LPP: variants seen among roughly 807,000 people sequenced by gnomAD.
LPP encodes the protein LIM domain containing preferred translocation partner in lipoma, also known as lipoma-preferred partner.
LPP carries 38 observed loss-of-function variants against 60.4 expected under a neutral mutation model. The ratio of observed to expected loss-of-function variants is 0.63; its 90% confidence interval spans 0.49 to 0.83. LPP has a LOEUF of 0.83. Among genes scored for constraint, LPP ranks in the 40% least tolerant of loss-of-function variants. The probability of loss-of-function intolerance (pLI) is 0.00; values close to 1 mark genes in which losing one functional copy is unlikely to be tolerated. For missense variants in LPP, 902 were observed against 783.6 expected (o/e 1.15, Z -1.80); for synonymous variants, 328 against 290.8 (o/e 1.13, Z -1.30).
chr3:188,447,889 A>G (rs755452314), intron 4 of LPP, among the ~76,000 whole-genome samples: 5 of 152,120 alleles, frequency 3.3e-5, no homozygotes, highest in East Asian at 1.9e-4. Flanking sequence ...TTTGTTTACT[A>G]CCATTTACTC....
rs568782790 is a variant in LPP, at chr3:188,666,686, T to C, written c.1114-41581T>C. Among the ~76,000 whole-genome samples the C allele has an allele frequency of 5.3e-4, 81 of 152,364 alleles. 1 individual carries two copies. Among genetic ancestry groups the C allele is most frequent in the Admixed American group, 4.2e-3 (64 of 15,302 alleles). ...TCAACAGTCACTCATCAAATACTTG[T>C]TGAATGCTTACTCGGTGCCAATCAC... is the stretch of plus-strand genomic sequence containing the variant. On this transcript the variant is annotated intron_variant, in intron 7 of 11. Transcript: ENST00000617246.
intron 7 of LPP, among the ~76,000 whole-genome samples, chr3:188,683,818 G>A (rs930259224): frequency 3.3e-5 from 5 of 152,178 alleles, no homozygotes; most frequent in Non-Finnish European, 7.3e-5. Flanking sequence ...CATTGTAAGT[G>A]TACAGTGGGA....
chr3:188,825,269 C>CTCTCTGTGTG lies in LPP; in HGVS notation c.1411-40930_1411-40929insCTCTGTGTGT, dbSNP rs1463318065. On this transcript the variant is annotated intron_variant, in intron 9 of 11. Transcript: ENST00000617246. ...TCTTTCTCTCTCTCTCTCTCTCTCT[C>CTCTCTGTGTG]TGTGTGTGTGTGTGTGTGTGTGTGT... Among the ~76,000 whole-genome samples, 130 of 101,750 alleles carry CTCTCTGTGTG rather than the reference C, an allele frequency of 1.3e-3. 1 individual carries two copies. The highest frequency in any genetic ancestry group is 5.3e-3 in the South Asian group (12 of 2,278). 66.8% of individuals were successfully genotyped at this position (101,750 alleles called of 152,430 possible).
intron 9 of LPP, 143 bp downstream of exon 9, chr3:188,760,425 T>TGTG (rs1282542511): frequency 1.4e-6 from 1 of 728,788 alleles, no homozygotes; most frequent in Non-Finnish European, 2.2e-6. Flanking sequence ...TGTGTGTGTG[T>TGTG]GTGTGTGTGT....
chr3:188,629,808 A>G (rs1847527095), intron 7 of LPP, among the ~76,000 whole-genome samples: 1 of 152,166 alleles, frequency 6.6e-6, no homozygotes, highest in South Asian at 2.1e-4. Context: ...AGCCAGAGTC[A>G]TCACAGTACC....
rs1016452486 is a variant in LPP, at chr3:188,878,237, G to A, written c.*3758G>A. ...GGGCTTCTCTTGTCAAATCTGTGTC[G>A]GCTGCCCCCTGATCCTTCCATTATC... On this transcript the variant is annotated 3_prime_UTR_variant, in exon 12 of 12. Transcript: ENST00000617246. 17 of 217,974 alleles carry A rather than the reference G, an allele frequency of 7.8e-5. No individual in the cohort carries two copies. Among genetic ancestry groups the A allele is most frequent in the African/African-American group, 3.8e-4 (17 of 44,328 alleles). 13.5% of individuals were successfully genotyped at this position (217,974 alleles called of 1,614,324 possible).
chr3:188,675,427 A>G lies in LPP; in HGVS notation c.1114-32840A>G, dbSNP rs528140838. Among the ~76,000 whole-genome samples, 195 of 152,340 alleles carry G rather than the reference A, an allele frequency of 1.3e-3. 1 individual carries two copies. Among genetic ancestry groups the G allele is most frequent in the African/African-American group, 4.2e-3 (174 of 41,580 alleles). ...TACACACAAAGCAAAGAAGTAAATA[A>G]AGAATGGTGGGGCTAAGACTGTGAA... On this transcript the variant is annotated intron_variant, in intron 7 of 11. Coordinates refer to ENST00000617246, the MANE Select transcript of LPP (RefSeq NM_001375462.1).
chr3:188,841,248 G>C (rs563513449), intron 9 of LPP, among the ~76,000 whole-genome samples: 4 of 152,174 alleles, frequency 2.6e-5, no homozygotes, highest in Non-Finnish European at 4.4e-5. Context: ...ATGTCTGAAG[G>C]TGGGCTGGGT....
At chr3:188,449,400 G>T (rs542489314) in intron 4 of LPP, among the ~76,000 whole-genome samples, 1 of 152,188 alleles carries the variant, frequency 6.6e-6, no homozygotes, top group African/African-American at 2.4e-5. Context: ...TGAATTTTTA[G>T]AAATATATAC....
chr3:188,613,244 A>ATATATCTATATCTATACC (rs1414392250), intron 7 of LPP, among the ~76,000 whole-genome samples: 3 of 89,138 alleles, frequency 3.4e-5, no homozygotes, highest in Admixed American at 2.6e-4. Context: ...TGTGCATTTT[A>ATATATCTATATCTATACC]TATATCTATA....
chr3:188,654,940 G>A (rs1852844637), intron 7 of LPP, among the ~76,000 whole-genome samples: 1 of 152,156 alleles, frequency 6.6e-6, no homozygotes, highest in South Asian at 2.1e-4. Flanking sequence ...GGAGTTTGAT[G>A]GAGTTTGACC....
In LPP at chr3:188,878,759, T is replaced by TAAAAAAAAAAAAAAAAAAAAAAAAAA. The variant is rs11448997; in HGVS notation, c.*4296_*4297insAAAAAAAAAAAAAAAAAAAAAAAAAA. 6.5e-6 allele frequency: 1 copy of TAAAAAAAAAAAAAAAAAAAAAAAAAA among 153,952 alleles called. No homozygotes were observed. The highest frequency in any genetic ancestry group is 1.3e-5 in the Non-Finnish European group (1 of 76,416). 9.5% of individuals were successfully genotyped at this position (153,952 alleles called of 1,614,324 possible). A position where few individuals can be genotyped will look rare whatever the true frequency, so the allele number is the denominator to read the frequency against. ...ATATACTCACCAAAAAGTAAAAAAG[T>TAAAAAAAAAAAAAAAAAAAAAAAAAA]AAAAAAAAAAAAAAAAGAAAGAAAG... On this transcript the variant is annotated 3_prime_UTR_variant, in exon 12 of 12. Coordinates refer to ENST00000617246, the MANE Select transcript of LPP (RefSeq NM_001375462.1).
chr3:188,474,423 A>G (rs537758756), intron 4 of LPP, among the ~76,000 whole-genome samples: 1 of 48,082 alleles, frequency 2.1e-5, no homozygotes, highest in Admixed American at 2.2e-4. Context: ...CATTGACATG[A>G]GAATGGTTCC....
intron 8 of LPP, among the ~76,000 whole-genome samples, chr3:188,732,716 C>T (rs559268346): frequency 1.3e-5 from 1 of 74,318 alleles, no homozygotes; most frequent in Non-Finnish European, 2.4e-5. Flanking sequence ...AGACTCTTAT[C>T]AAAAAAAAAA....
chr3:188,750,063 C>G (rs1050836169), intron 8 of LPP, among the ~76,000 whole-genome samples: 1 of 152,198 alleles, frequency 6.6e-6, no homozygotes, highest in Admixed American at 6.5e-5. Context: ...GTGAGGGCTA[C>G]TCTCTGTTTC....
chr3:188,831,375 C>T (rs1363441128), intron 9 of LPP, among the ~76,000 whole-genome samples: 1 of 152,174 alleles, frequency 6.6e-6, no homozygotes, highest in African/African-American at 2.4e-5. Context: ...AGAGAGGAGT[C>T]TCCTAGGAGT....
chr3:188,272,900 A>G (rs1268702613), intron 2 of LPP, among the ~76,000 whole-genome samples: 2 of 152,174 alleles, frequency 1.3e-5, no homozygotes, highest in East Asian at 3.9e-4. Flanking sequence ...AACCCCTTTA[A>G]CACCTATTAA....
intron 4 of LPP, among the ~76,000 whole-genome samples, chr3:188,421,714 T>C (rs1787858972): frequency 6.6e-6 from 1 of 152,186 alleles, no homozygotes; most frequent in Admixed American, 6.6e-5. Context: ...GTTAATTATT[T>C]TGGTCAGTTT....
intron 7 of LPP, among the ~76,000 whole-genome samples, chr3:188,704,280 T>C (rs1187917105): frequency 6.6e-6 from 1 of 152,198 alleles, no homozygotes; most frequent in Non-Finnish European, 1.5e-5. Flanking sequence ...GTTTGAGAGA[T>C]TCAAAGAGAT....
Sources: gnomAD v4.1 joint callset for allele counts (sites outside exome capture counted in the v4.1 genomes callset) on GRCh38, gnomAD v4.1.1 for gene constraint, MANE v1.5 for transcripts, NCBI Gene and HGNC (gene_info 2026-07-23, HGNC 2026-07-21) for gene names.